HDDC2: variants seen among roughly 807,000 people sequenced by gnomAD.
HDDC2 encodes 5'-deoxynucleotidase HDDC2.
HDDC2 carries 25 observed loss-of-function variants against 25.5 expected under a neutral mutation model. The ratio of observed to expected loss-of-function variants is 0.98; its 90% confidence interval spans 0.72 to 1.37. The LOEUF (loss-of-function observed/expected upper bound fraction) is 1.37. Ranked by LOEUF, HDDC2 falls within the 40% of genes most tolerant of loss-of-function variation. The pLI is 0.00. For synonymous variants in HDDC2, 106 were observed against 89.7 expected, an observed-to-expected ratio of 1.18 and a Z score of -1.03; for missense variants, 264 against 253.1, an observed-to-expected ratio of 1.04 and a Z score of -0.29.
At chr6:125,300,712 T>C in intron 1 of HDDC2, 53 bp from the exon 2 acceptor site, 1 of 1,551,052 alleles carries the variant, frequency 6.4e-7, no homozygotes, top group Non-Finnish European at 8.8e-7. Flanking sequence ...ATTAACTATC[T>C]GCTATGCTCT....
chr6:125,277,538 T>C, intron 4 of HDDC2: 1 of 283,236 alleles, frequency 3.5e-6, no homozygotes, highest in Non-Finnish European at 6.5e-6. Flanking sequence ...TAATACCGTG[T>C]CTTCATTTTA....
intron 4 of HDDC2, among the ~76,000 whole-genome samples, chr6:125,282,951 CAAG>C (rs1798480261): frequency 6.6e-6 from 1 of 152,124 alleles, no homozygotes; most frequent in African/African-American, 2.4e-5. Context: ...ATGAATGCAA[CAAG>C]AAGAGCTAAC....
At chr6:125,294,167 C>A (rs537030939) in intron 3 of HDDC2, among the ~76,000 whole-genome samples, 2 of 152,050 alleles carry the variant, frequency 1.3e-5, no homozygotes, top group Non-Finnish European at 2.9e-5. Context: ...GCTCTTTGAA[C>A]GGAATATGGC....
intron 4 of HDDC2, among the ~76,000 whole-genome samples, chr6:125,287,667 G>A (rs780559853): frequency 5.9e-5 from 9 of 152,144 alleles, no homozygotes; most frequent in Non-Finnish European, 8.8e-5. Flanking sequence ...GCACATGATC[G>A]CTGAAGCACA....
intron 4 of HDDC2, among the ~76,000 whole-genome samples, chr6:125,289,162 TG>T: frequency 7.6e-6 from 1 of 132,002 alleles, no homozygotes; most frequent in Middle Eastern, 3.8e-3. Context: ...TAAAAAATGA[TG>T]AGTTCATGTC....
chr6:125,283,741 A>C (rs556571674), intron 4 of HDDC2, among the ~76,000 whole-genome samples: 1 of 152,334 alleles, frequency 6.6e-6, no homozygotes, highest in African/African-American at 2.4e-5. Flanking sequence ...CATACTGCCC[A>C]AAGTAATTTA....
intron 4 of HDDC2, among the ~76,000 whole-genome samples, chr6:125,284,892 T>C (rs1320799788): frequency 6.6e-6 from 1 of 152,186 alleles, no homozygotes; most frequent in Non-Finnish European, 1.5e-5. Flanking sequence ...CTATTCACTA[T>C]AGCAAAGACT....
At chr6:125,292,420 C>T (rs1015783736) in intron 4 of HDDC2, among the ~76,000 whole-genome samples, 3 of 152,146 alleles carry the variant, frequency 2.0e-5, no homozygotes, top group Admixed American at 2.0e-4. Flanking sequence ...TTGACCTCAT[C>T]CAACCCTAGC....
chr6:125,292,309 T>A (rs1230454189), intron 4 of HDDC2, among the ~76,000 whole-genome samples: 1 of 151,824 alleles, frequency 6.6e-6, no homozygotes, highest in Non-Finnish European at 1.5e-5. Flanking sequence ...CAGCCTAACC[T>A]CCCTTCACTG....
chr6:125,300,594 C>T lies in HDDC2; in HGVS notation c.150G>A (p.Met50Ile), dbSNP rs1180274771. Residue 50 changes from methionine (M) to isoleucine (I), a missense_variant, in exon 2 of 6, where the codon ATG becomes ATA. Transcript: ENST00000398153. ...VQRPESVSDH[M>I]YRMAVMAMVI... ...CCATAGCCATAACTGCCATCCGGTA[C>T]ATGTGATCTGAAACGCTCTCCGGCC... 1.2e-6 allele frequency: 2 copies of T among 1,614,154 alleles called. No homozygotes were observed. Among genetic ancestry groups the T allele is most frequent in the East Asian group, 2.2e-5 (1 of 44,872 alleles).
At chr6:125,298,653 G>T in intron 3 of HDDC2, 61 bp downstream of exon 3, 1 of 1,229,624 alleles carries the variant, frequency 8.1e-7, no homozygotes, top group Non-Finnish European at 1.2e-6. Context: ...CATAAACTTA[G>T]CTTTGCTTCA....
intron 4 of HDDC2, among the ~76,000 whole-genome samples, chr6:125,289,045 G>A (rs1469525259): frequency 7.3e-5 from 8 of 109,288 alleles, no homozygotes; most frequent in African/African-American, 2.0e-4. Context: ...TGTTTATTGC[G>A]GCACTATTCA....
intron 4 of HDDC2, among the ~76,000 whole-genome samples, chr6:125,280,961 C>G (rs1319665271): frequency 6.6e-6 from 1 of 152,216 alleles, no homozygotes; most frequent in Non-Finnish European, 1.5e-5. Flanking sequence ...AGAGCTCTGG[C>G]TAGCATCTAG....
intron 4 of HDDC2, among the ~76,000 whole-genome samples, chr6:125,282,925 A>G (rs137876028): frequency 0.017 from 2,650 of 152,370 alleles, 70 homozygotes; most frequent in African/African-American, 0.061. Context: ...GAAGGGCATT[A>G]CATAATGGTA....
chr6:125,281,762 T>C (rs150701793), intron 4 of HDDC2, among the ~76,000 whole-genome samples: 6 of 152,252 alleles, frequency 3.9e-5, no homozygotes, highest in Non-Finnish European at 7.4e-5. Flanking sequence ...TGGAACCAAG[T>C]TGGTAAACAC....
intron 3 of HDDC2, among the ~76,000 whole-genome samples, chr6:125,294,926 C>T (rs1047953401): frequency 2.0e-5 from 3 of 152,172 alleles, no homozygotes; most frequent in Non-Finnish European, 2.9e-5. Flanking sequence ...ACAGCAAATA[C>T]GTTGTTGCTC....
rs192194968 is a variant in HDDC2, at chr6:125,282,793, G to A, written c.379-5553C>T. On this transcript the variant is annotated intron_variant, in intron 4 of 5. Coordinates refer to ENST00000398153, the MANE Select transcript of HDDC2 (RefSeq NM_016063.3). ...CATCTTACGTGCGAAGACACACACA[G>A]GCTCAAAATAAATGGATGGAGGAAG... Among the ~76,000 whole-genome samples, 85 of 152,308 alleles carry A rather than the reference G, an allele frequency of 5.6e-4. 1 individual carries two copies. The highest frequency in any genetic ancestry group is 1.4e-3 in the African/African-American group (60 of 41,576).
intron 1 of HDDC2, among the ~76,000 whole-genome samples, chr6:125,301,405 C>G (rs1167868750): frequency 6.6e-6 from 1 of 150,906 alleles, no homozygotes; most frequent in African/African-American, 2.5e-5. Flanking sequence ...CCGACAGATT[C>G]TGTTCTTCCC....
chr6:125,281,056 G>A (rs1422412490), intron 4 of HDDC2, among the ~76,000 whole-genome samples: 1 of 152,206 alleles, frequency 6.6e-6, no homozygotes, highest in African/African-American at 2.4e-5. Context: ...GTGATACTCA[G>A]GCAAACAGGG....
Sources: gnomAD v4.1 joint callset for allele counts (sites outside exome capture counted in the v4.1 genomes callset) on GRCh38, gnomAD v4.1.1 for gene constraint, MANE v1.5 for transcripts, NCBI Gene and HGNC (gene_info 2026-07-23, HGNC 2026-07-21) for gene names.